ADHFE1: variants seen among roughly 807,000 people sequenced by gnomAD.
ADHFE1 encodes hydroxyacid-oxoacid transhydrogenase, mitochondrial.
In ADHFE1, 37 loss-of-function variants were observed where a neutral mutation model predicts 54.8. That is an observed-to-expected ratio of 0.68 (90% CI 0.52 to 0.89). The LOEUF is 0.89. Among genes scored for constraint, ADHFE1 ranks in the 40% least tolerant of loss-of-function variants. The pLI, the probability that ADHFE1 is intolerant of heterozygous loss-of-function variation, is 0.00. For synonymous variants in ADHFE1, 203 were observed against 229.3 expected (o/e 0.89, Z 1.04); for missense variants, 601 against 591.2 (o/e 1.02, Z -0.17).
rs1805651955 is a variant in ADHFE1 at position 66,439,785 on chromosome 8, C to G, written c.60-377C>G. ...AGTAAGAAGAGGCACACAGAGTTAA[C>G]CTTGGGCCGATTTGGTCAACGCTCC... is the stretch of plus-strand genomic sequence containing the variant. On this transcript the variant is annotated intron_variant, in intron 1 of 13. Coordinates refer to ENST00000396623, the MANE Select transcript of ADHFE1 (RefSeq NM_144650.3). This position sits in a 1 kb window ranked among gnomAD's most constrained non-coding sequence, Gnocchi z 4.4. 2.8e-6 allele frequency: 3 copies of G among 1,061,998 alleles called. No homozygotes were observed. Among genetic ancestry groups the G allele is most frequent in the Middle Eastern group, 4.3e-4 (1 of 2,304 alleles). The allele number at this position is 1,061,998 out of a possible 1,614,324, so 65.8% of individuals were successfully genotyped here.
At chr8:66,433,526 T>C (rs1443572598) in intron 1 of ADHFE1, among the ~76,000 whole-genome samples, 1 of 152,216 alleles carries the variant, frequency 6.6e-6, no homozygotes, top group Admixed American at 6.5e-5. Flanking sequence ...GTCATCCTCA[T>C]AGATACGGAA....
At chr8:66,450,375 T>A (rs1271316139) in intron 8 of ADHFE1, among the ~76,000 whole-genome samples, 2 of 152,206 alleles carry the variant, frequency 1.3e-5, no homozygotes, top group Non-Finnish European at 2.9e-5. Flanking sequence ...AGGAGAATAA[T>A]GGCAGTTGCT....
At chr8:66,460,967 A>G (rs1360566397) in intron 13 of ADHFE1, among the ~76,000 whole-genome samples, 2 of 152,224 alleles carry the variant, frequency 1.3e-5, no homozygotes, top group East Asian at 3.9e-4. Context: ...TACTTGATAC[A>G]TATCTGTGTC....
chr8:66,454,056 C>T lies in ADHFE1; in HGVS notation c.888-3C>T. The T allele has an allele frequency of 6.2e-7, 1 of 1,613,844 alleles. No individual in the cohort carries two copies. The highest frequency in any genetic ancestry group is 8.5e-7 in the Non-Finnish European group (1 of 1,179,888). On this transcript the variant is annotated splice_region_variant and splice_polypyrimidine_tract_variant and intron_variant, in intron 9 of 13. Coordinates refer to ENST00000396623, the MANE Select transcript of ADHFE1 (RefSeq NM_144650.3). ...TATTGTTAGGTATTTATATCATTCA[C>T]AGGGCTGTCAGAAATCCCGATGATC...
Position 66,454,085 on chromosome 8 carries a change from A to T in ADHFE1, c.914A>T (p.Glu305Val). 6.2e-7 allele frequency: 1 copy of T among 1,614,098 alleles called. No individual in the cohort carries two copies. Among genetic ancestry groups the T allele is most frequent in the African/African-American group, 1.3e-5 (1 of 75,030 alleles). The change falls in exon 10 of 14, where the codon GAA becomes GTA. Residue 305 changes from glutamate to valine, a missense_variant. By Grantham distance (121) the Glu-to-Val change is moderately radical (BLOSUM62 -2). Coordinates refer to ENST00000396623, the MANE Select transcript of ADHFE1 (RefSeq NM_144650.3). Reference sequence around the variant, plus strand: ...GCTGTCAGAAATCCCGATGATCTTGAAGCAAGGTCTCATATGCACTTGGCA... The same window carrying T: ...GCTGTCAGAAATCCCGATGATCTTGTAGCAAGGTCTCATATGCACTTGGCA... Reference protein sequence around the residue: ...KRAVRNPDDLEARSHMHLASA... With the variant: ...KRAVRNPDDLVARSHMHLASA...
In ADHFE1 at chr8:66,456,904, A is replaced by G; in HGVS notation, c.1065+9A>G. Reference sequence around the variant, plus strand: ...TGGATCACCCACTGGTGGTAAAATCATAAGAATAAATTATTTAATTAAATA... The same window carrying G: ...TGGATCACCCACTGGTGGTAAAATCGTAAGAATAAATTATTTAATTAAATA... On this transcript the variant is annotated intron_variant, in intron 11 of 13. Coordinates refer to ENST00000396623, the MANE Select transcript of ADHFE1 (RefSeq NM_144650.3). 5 of 1,499,684 alleles carry G rather than the reference A, an allele frequency of 3.3e-6. No homozygotes were observed. Among genetic ancestry groups the G allele is most frequent in the Non-Finnish European group, 4.5e-6 (5 of 1,122,642 alleles). 92.9% of individuals were successfully genotyped at this position (1,499,684 alleles called of 1,614,324 possible). A position where few individuals can be genotyped will look rare whatever the true frequency, so the allele number is the denominator to read the frequency against.
intron 2 of ADHFE1, among the ~76,000 whole-genome samples, chr8:66,440,902 CACAGAGAAG>C (rs1805713134): frequency 6.6e-6 from 1 of 152,150 alleles, no homozygotes; most frequent in Non-Finnish European, 1.5e-5. Context: ...AGCAGAAACC[CACAGAGAAG>C]CCTGTTGGGG....
rs757149351 is a variant in ADHFE1, at chr8:66,432,587, G to A, written c.59+12G>A. 3 of 1,309,770 alleles carry A rather than the reference G, an allele frequency of 2.3e-6. No homozygotes were observed. The highest frequency in any genetic ancestry group is 2.9e-6 in the Non-Finnish European group (3 of 1,023,736). The allele number at this position is 1,309,770 out of a possible 1,614,324, so 81.1% of individuals were successfully genotyped here. ...CTGCAACGCGCAGCGTGAGTGCGGG[G>A]CCGGCGGGCGGGCAGGGGACCGCAG... On this transcript the variant is annotated intron_variant, in intron 1 of 13. Coordinates refer to ENST00000396623, the MANE Select transcript of ADHFE1 (RefSeq NM_144650.3).
chr8:66,434,079 A>G (rs1449830804), intron 1 of ADHFE1, among the ~76,000 whole-genome samples: 2 of 152,214 alleles, frequency 1.3e-5, no homozygotes, highest in African/African-American at 2.4e-5. Context: ...GCCTGAAGAT[A>G]ATGGCTTCAT....
chr8:66,468,213 C>A, intron 13 of ADHFE1, 56 bp from the exon 14 acceptor site: 1 of 1,370,400 alleles, frequency 7.3e-7, no homozygotes, highest in Non-Finnish European at 1.0e-6. Flanking sequence ...AACTTTGTAG[C>A]TTTTACAAAC....
At chr8:66,452,224 G>A (rs1470178808) in intron 9 of ADHFE1, 119 bp downstream of exon 9, 3 of 1,357,704 alleles carry the variant, frequency 2.2e-6, no homozygotes, top group African/African-American at 2.9e-5. Flanking sequence ...AAAGCAGTCA[G>A]TGGATGCGCA....
chr8:66,458,556 G>A (rs1806718880), intron 12 of ADHFE1, among the ~76,000 whole-genome samples: 1 of 152,190 alleles, frequency 6.6e-6, no homozygotes, highest in Admixed American at 6.5e-5. Context: ...GCAAATCATA[G>A]GCTACATTTA....
rs1807305371 is a variant in ADHFE1 at position 66,468,256 on chromosome 8, T to TAAA, written c.1321-13_1321-12insAAA. On this transcript the variant is annotated splice_polypyrimidine_tract_variant and intron_variant, in intron 13 of 13. Transcript: ENST00000396623. ...TCAAAGCCCTGGGTAACTTCTTTCA[T>TAAA]TTACTGTTTCAGGAAAGGGTCACCA... 1 of 1,605,120 alleles carries TAAA rather than the reference T, an allele frequency of 6.2e-7. No homozygotes were observed. The highest frequency in any genetic ancestry group is 8.5e-7 in the Non-Finnish European group (1 of 1,176,216).
Position 66,445,277 on chromosome 8 carries a change from G to T in ADHFE1, c.413G>T (p.Gly138Val). The change falls in exon 6 of 14, where the codon GGT becomes GTT. Residue 138 changes from glycine to valine, a missense_variant. Physicochemically the swap from Gly to Val is moderately radical, Grantham distance 109. Coordinates refer to ENST00000396623, the MANE Select transcript of ADHFE1 (RefSeq NM_144650.3). Reference protein sequence around the residue: ...KGAFDAYVAVGGGSTMDTCKA... With the variant: ...KGAFDAYVAVVGGSTMDTCKA... ...GCTTTTGATGCCTATGTTGCTGTCG[G>T]TGGTGGCTCTACCATGGACACCTGT... 1 of 1,613,782 alleles carries T rather than the reference G, an allele frequency of 6.2e-7. No homozygotes were observed. Among genetic ancestry groups the T allele is most frequent in the East Asian group, 2.2e-5 (1 of 44,878 alleles).
At chr8:66,460,528 T>C in intron 13 of ADHFE1, 63 bp downstream of exon 13, 1 of 1,509,090 alleles carries the variant, frequency 6.6e-7, no homozygotes, top group Non-Finnish European at 8.9e-7. Flanking sequence ...AAAGACATGC[T>C]GCATTGATGG....
At chr8:66,447,053 A>G (rs1232844656) in intron 6 of ADHFE1, among the ~76,000 whole-genome samples, 2 of 152,228 alleles carry the variant, frequency 1.3e-5, no homozygotes, top group Admixed American at 1.3e-4. Context: ...AGACACTGAC[A>G]TCCTCCATGT....
In ADHFE1 at chr8:66,447,319, T is replaced by C. The variant is rs1806082612; in HGVS notation, c.606T>C (p.Tyr202=). The C allele has an allele frequency of 6.2e-7, 1 of 1,613,586 alleles. No homozygotes were observed. The change falls in exon 7 of 14, where the codon TAT becomes TAC. Residue 202 remains tyrosine, a synonymous_variant. Transcript: ENST00000396623. ...SETTGVAIFD[Y]EHLKVKIGIT... The stretch of plus-strand genomic sequence containing the variant: ...CTACTGGGGTTGCCATTTTTGACTA[T>C]GAACACTTGAAAGTAAAAATTGGTA...
chr8:66,447,202 T>C, intron 6 of ADHFE1, 62 bp from the exon 7 acceptor site: 2 of 1,449,166 alleles, frequency 1.4e-6, no homozygotes, highest in Non-Finnish European at 1.9e-6. Flanking sequence ...TAAGGCTGAA[T>C]TAGGTATCTC....
intron 7 of ADHFE1, among the ~76,000 whole-genome samples, chr8:66,447,973 C>T (rs1806116824): frequency 6.6e-6 from 1 of 152,146 alleles, no homozygotes; most frequent in Admixed American, 6.5e-5. Flanking sequence ...CCTTGACAAA[C>T]ATATATGCTC....
Sources: gnomAD v4.1 joint callset for allele counts (sites outside exome capture counted in the v4.1 genomes callset) on GRCh38, gnomAD v4.1.1 for gene constraint, Gnocchi (gnomAD v3.1) non-coding constraint, MANE v1.5 for transcripts, NCBI Gene and HGNC (gene_info 2026-07-23, HGNC 2026-07-21) for gene names.